Variants in CELSR3 observed in about 807,000 individuals in gnomAD.
The protein encoded by CELSR3 is cadherin EGF LAG seven-pass G-type receptor 3.
CELSR3 carries 73 observed loss-of-function variants against 270.0 expected under a neutral mutation model. That is an observed-to-expected ratio of 0.27 (90% confidence interval 0.22 to 0.33). The LOEUF (loss-of-function observed/expected upper bound fraction) is 0.33. Among genes scored for constraint, CELSR3 ranks in the 10% least tolerant of loss-of-function variants. The pLI, the probability that CELSR3 is intolerant of heterozygous loss-of-function variation, is 1.00. For missense variants in CELSR3, 3,614 were observed against 4,533.8 expected (o/e 0.80, Z 5.83); for synonymous variants, 1,780 against 1,905.4 (o/e 0.93, Z 1.71).
chr3:48,649,257 C>T (rs1297663945), intron 16 of CELSR3, 42 bp from the exon 17 acceptor site: 3 of 1,520,776 alleles, frequency 2.0e-6, no homozygotes, highest in Admixed American at 3.7e-5. Flanking sequence ...GGCCTGGATA[C>T]CTTTGCTGAG....
chr3:48,643,850 A>G (rs2047052950), intron 27 of CELSR3, 173 bp from the exon 28 acceptor site: 1 of 721,956 alleles, frequency 1.4e-6, no homozygotes, highest in Admixed American at 2.9e-5. Context: ...TCCCACAAAG[A>G]AACAGGAGAG....
rs747542625 is a variant in CELSR3 at position 48,655,210 on chromosome 3, G to A, written c.4831-9C>T. ...AGGGCATCTGTCCGGGGCTGAAGAC[G>A]CAGGCACACCAGTCAACAGTGCCCC... On this transcript the variant is annotated splice_polypyrimidine_tract_variant and intron_variant, in intron 5 of 34. Transcript: ENST00000164024. This position sits in a 1 kb window ranked among gnomAD's most constrained non-coding sequence, Gnocchi z 5.8. 54 of 1,613,976 alleles carry A rather than the reference G, an allele frequency of 3.3e-5. No individual in the cohort carries two copies. Among genetic ancestry groups the A allele is most frequent in the East Asian group, 1.1e-4 (5 of 44,876 alleles).
Position 48,656,681 on chromosome 3 carries a change from C to A in CELSR3, c.4399+17G>T. 5 of 1,468,192 alleles carry A rather than the reference C, an allele frequency of 3.4e-6. No individual in the cohort carries two copies. In the South Asian group the frequency reaches 7.0e-5, roughly 21 times the overall value. 90.9% of individuals were successfully genotyped at this position (1,468,192 alleles called of 1,614,324 possible). A position where few individuals can be genotyped will look rare whatever the true frequency, so the allele number is the denominator to read the frequency against. ...TGGCCCGTGCTTCCCCCAGCTCTGGCCCGGCGCCCTGCTCACCGGTGAAGC... is the reference window on the plus strand; with the variant it reads ...TGGCCCGTGCTTCCCCCAGCTCTGGACCGGCGCCCTGCTCACCGGTGAAGC... On this transcript the variant is annotated intron_variant, in intron 2 of 34. Coordinates refer to ENST00000164024, the MANE Select transcript of CELSR3 (RefSeq NM_001407.3).
rs2047086312 is a variant in CELSR3 at position 48,646,530 on chromosome 3, G to C, written c.7295+233C>G. On this transcript the variant is annotated intron_variant, in intron 21 of 34. Coordinates refer to ENST00000164024, the MANE Select transcript of CELSR3 (RefSeq NM_001407.3). This position sits in a 1 kb window ranked among gnomAD's most constrained non-coding sequence, Gnocchi z 4.8. ...TCTGTCTCTGTCAGCCCTTTGGTCT[G>C]TCTGTACCTGGCTCATGGATCCCTC... 6.6e-6 allele frequency among the ~76,000 whole-genome samples: 1 copy of C among 152,240 alleles called. No individual in the cohort carries two copies. The highest frequency in any genetic ancestry group is 2.1e-4 in the South Asian group (1 of 4,836).
In CELSR3 at chr3:48,641,147, C is replaced by T. The variant is rs1461608902; in HGVS notation, c.9025+177G>A. The T allele has an allele frequency of 1.5e-5, 9 of 602,502 alleles. No homozygotes were observed. Among genetic ancestry groups the T allele is most frequent in the Non-Finnish European group, 2.7e-5 (9 of 335,952 alleles). 37.3% of individuals were successfully genotyped at this position (602,502 alleles called of 1,614,324 possible). On this transcript the variant is annotated intron_variant, in intron 33 of 34. Coordinates refer to ENST00000164024, the MANE Select transcript of CELSR3 (RefSeq NM_001407.3). This position sits in a 1 kb window ranked among gnomAD's most constrained non-coding sequence, Gnocchi z 4.8. ...CAGGGTAGAGGGGGACAGAGAATTCCCAGGTCAGGACAGGAGCAGTCCCTG... is the reference window on the plus strand; with the variant it reads ...CAGGGTAGAGGGGGACAGAGAATTCTCAGGTCAGGACAGGAGCAGTCCCTG...
In CELSR3 at chr3:48,656,219, C is replaced by T. The variant is rs563705996; in HGVS notation, c.4546G>A (p.Ala1516Thr). 2.0e-6 allele frequency: 3 copies of T among 1,536,470 alleles called. No homozygotes were observed. Among genetic ancestry groups the T allele is most frequent in the South Asian group, 1.2e-5 (1 of 84,094 alleles). The change falls in exon 3 of 35, where the codon GCT becomes ACT. Residue 1516 changes from alanine (A) to threonine (T), a missense_variant. Ala to Thr is a moderately conservative substitution (Grantham distance 58, BLOSUM62 0). This residue lies in a region of CELSR3 where 1,331 missense variants were observed against 1,933.7 expected (regional missense o/e 0.69). Coordinates refer to ENST00000164024, the MANE Select transcript of CELSR3 (RefSeq NM_001407.3). The part of the protein sequence containing the change: ...GAFEGPRCEV[A>T]ARSFPPSSFV... ...GAACTGGGCGGGAAGGAGCGCGCAG[C>T]CACCTCGCAGCGCGGGCCCTCGAAG...
chr3:48,650,432 C>CCGGGGGGGGG lies in CELSR3; in HGVS notation c.6472+47_6472+48insCCCCCCCCCG. 17 of 1,208,914 alleles carry CCGGGGGGGGG rather than the reference C, an allele frequency of 1.4e-5. No homozygotes were observed. Among genetic ancestry groups the CCGGGGGGGGG allele is most frequent in the East Asian group, 5.6e-5 (2 of 35,582 alleles). 74.9% of individuals were successfully genotyped at this position (1,208,914 alleles called of 1,614,324 possible). A position where few individuals can be genotyped will look rare whatever the true frequency, so the allele number is the denominator to read the frequency against. On this transcript the variant is annotated intron_variant, in intron 16 of 34. Coordinates refer to ENST00000164024, the MANE Select transcript of CELSR3 (RefSeq NM_001407.3). The surrounding 1 kb of genome is among the most constrained non-coding windows in gnomAD (Gnocchi z 5.1). ...AGACATGGCTCTAGCAGTCAGAGTA[C>CCGGGGGGGGG]AGGCCCACCCCCACCCTCAGTGATG...
chr3:48,638,226 G>A lies in CELSR3; in HGVS notation c.9918C>T (p.Pro3306=). Residue 3306 remains proline, a synonymous_variant, in exon 35 of 35, where the codon CCC becomes CCT. Transcript: ENST00000164024. Reference sequence around the variant, plus strand: ...CCCCTCAGGAGTGACCCTCACTTCTGGGAACTCTGGAGGCACATGAGGAAA... The same window carrying A: ...CCCCTCAGGAGTGACCCTCACTTCTAGGAACTCTGGAGGCACATGAGGAAA... The part of the protein sequence containing the change: ...ISELSPDSEV[P]RSEGHS 2 of 1,612,856 alleles carry A rather than the reference G, an allele frequency of 1.2e-6. No individual in the cohort carries two copies. The highest frequency in any genetic ancestry group is 1.7e-6 in the Non-Finnish European group (2 of 1,179,190).
chr3:48,659,176 G>A lies in CELSR3; in HGVS notation c.3459C>T (p.Ala1153=). Residue 1153 remains alanine, a synonymous_variant, in exon 1 of 35, where the codon GCC becomes GCT. Transcript: ENST00000164024. This position sits in a 1 kb window ranked among gnomAD's most constrained non-coding sequence, Gnocchi z 8.1. ...QATSAPLVSR[A]TVHVRLVDQN... ...GGTCAACCAGGCGGACGTGCACAGT[G>A]GCCCGGCTGACCAAAGGAGCAGATG... The A allele has an allele frequency of 6.2e-7, 1 of 1,614,222 alleles. No homozygotes were observed. Among genetic ancestry groups the A allele is most frequent in the Non-Finnish European group, 8.5e-7 (1 of 1,180,046 alleles).
rs758727333 is a variant in CELSR3, at chr3:48,652,086, A to G, written c.5752-38T>C. The G allele has an allele frequency of 2.7e-6, 4 of 1,489,956 alleles. No homozygotes were observed. The African/African-American group carries it at 4.2e-5, about 16-fold the overall frequency. The allele number at this position is 1,489,956 out of a possible 1,614,324, so 92.3% of individuals were successfully genotyped here. A position where few individuals can be genotyped will look rare whatever the true frequency, so the allele number is the denominator to read the frequency against. On this transcript the variant is annotated intron_variant, in intron 11 of 34. Coordinates refer to ENST00000164024, the MANE Select transcript of CELSR3 (RefSeq NM_001407.3). This position sits in a 1 kb window ranked among gnomAD's most constrained non-coding sequence, Gnocchi z 4.3. ...AGCCAGCAAGGGGTGAGACCATGTTAAGGCACCTCAGCCTCAAGTACTGCA... is the reference window on the plus strand; with the variant it reads ...AGCCAGCAAGGGGTGAGACCATGTTGAGGCACCTCAGCCTCAAGTACTGCA...
rs754859741 is a variant in CELSR3 at position 48,645,395 on chromosome 3, G to A, written c.7797+48C>T. 1.2e-6 allele frequency: 2 copies of A among 1,607,374 alleles called. No individual in the cohort carries two copies. Among genetic ancestry groups the A allele is most frequent in the Admixed American group, 3.3e-5 (2 of 59,966 alleles). On this transcript the variant is annotated intron_variant, in intron 24 of 34. Coordinates refer to ENST00000164024, the MANE Select transcript of CELSR3 (RefSeq NM_001407.3). This position sits in a 1 kb window ranked among gnomAD's most constrained non-coding sequence, Gnocchi z 5.4. ...CTGAGTTTTGGCCCCAGGCCTCCTG[G>A]GCCAGTAGGGTCATCAGGACACAAG...
rs774981798 is a variant in CELSR3 at position 48,641,344 on chromosome 3, C to T, written c.9005G>A (p.Arg3002Gln). The stretch of plus-strand genomic sequence containing the variant: ...TGTACCTTTCCTCTGGCGCTGGGCC[C>T]GGCCCAGAGAAGTCTCATCCCCACT... Reference protein sequence around the residue: ...LTSGDETSLGRAQRQRKGILK... With the variant: ...LTSGDETSLGQAQRQRKGILK... Residue 3002 changes from arginine (R) to glutamine (Q), a missense_variant, in exon 33 of 35, where the codon CGG (arginine) becomes CAG (glutamine). This residue lies in a region of CELSR3 where 1,240 missense variants were observed against 1,351.7 expected (regional missense o/e 0.92). Coordinates refer to ENST00000164024, the MANE Select transcript of CELSR3 (RefSeq NM_001407.3). This position sits in a 1 kb window ranked among gnomAD's most constrained non-coding sequence, Gnocchi z 4.8. 40 of 1,608,672 alleles carry T rather than the reference C, an allele frequency of 2.5e-5. No individual in the cohort carries two copies. Among genetic ancestry groups the T allele is most frequent in the South Asian group, 2.2e-5 (2 of 90,974 alleles).
In CELSR3 at chr3:48,650,384, A is replaced by C; in HGVS notation, c.6472+96T>G. The C allele has an allele frequency of 3.0e-6, 3 of 1,012,592 alleles. No individual in the cohort carries two copies. The highest frequency in any genetic ancestry group is 2.6e-5 in the East Asian group (1 of 38,088). The allele number at this position is 1,012,592 out of a possible 1,614,324, so 62.7% of individuals were successfully genotyped here. On this transcript the variant is annotated intron_variant, in intron 16 of 34. Coordinates refer to ENST00000164024, the MANE Select transcript of CELSR3 (RefSeq NM_001407.3). The surrounding 1 kb of genome is among the most constrained non-coding windows in gnomAD (Gnocchi z 5.1). ...ACCCCACTTCCACCTCTTTGCAGGA[A>C]CAAAGCCACCCAATTTAGGAAAAGA...
chr3:48,641,629 G>C lies in CELSR3; in HGVS notation c.8825-105C>G, dbSNP rs919581094. 2 of 917,398 alleles carry C rather than the reference G, an allele frequency of 2.2e-6. No homozygotes were observed. The highest frequency in any genetic ancestry group is 3.3e-5 in the African/African-American group (2 of 60,374). The allele number at this position is 917,398 out of a possible 1,614,324, so 56.8% of individuals were successfully genotyped here. A position where few individuals can be genotyped will look rare whatever the true frequency, so the allele number is the denominator to read the frequency against. On this transcript the variant is annotated intron_variant, in intron 32 of 34. Coordinates refer to ENST00000164024, the MANE Select transcript of CELSR3 (RefSeq NM_001407.3). The surrounding 1 kb of genome is among the most constrained non-coding windows in gnomAD (Gnocchi z 4.8). Reference sequence around the variant, plus strand: ...ACCCTGGCTGTTCTCATTGAGCAGAGGTGGGAACAGGAGGGTATCTCCTCA... The same window carrying C: ...ACCCTGGCTGTTCTCATTGAGCAGACGTGGGAACAGGAGGGTATCTCCTCA...
At position 48,637,879 on chromosome 3, in the gene CELSR3, ATC is replaced by A; in HGVS notation, c.*324_*325del. The A allele has an allele frequency of 5.6e-6, 2 of 357,086 alleles. No homozygotes were observed. The highest frequency in any genetic ancestry group is 9.5e-5 in the South Asian group (2 of 21,090). The allele number at this position is 357,086 out of a possible 1,614,324, so 22.1% of individuals were successfully genotyped here. A position where few individuals can be genotyped will look rare whatever the true frequency, so the allele number is the denominator to read the frequency against. On this transcript the variant is annotated 3_prime_UTR_variant, in exon 35 of 35. Coordinates refer to ENST00000164024, the MANE Select transcript of CELSR3 (RefSeq NM_001407.3). ...CAGGACCCAAATGGGGTCAAACTGCATCTCTCCCTCTATCTCCCTCCCCCTCC... is the reference window on the plus strand; with the variant it reads ...CAGGACCCAAATGGGGTCAAACTGCATCTCCCTCTATCTCCCTCCCCCTCC...
Position 48,639,906 on chromosome 3 carries a change from T to C in CELSR3, c.9679A>G (p.Arg3227Gly). The C allele has an allele frequency of 6.2e-7, 1 of 1,613,172 alleles. No homozygotes were observed. Among genetic ancestry groups the C allele is most frequent in the Non-Finnish European group, 8.5e-7 (1 of 1,179,996 alleles). ...CTGGGGCCACTGACCGAGTCCTCCC[T>C]AGCTCTGAGCAGCTGCGGGAGTGGC... ...LGPLPQLLRA[R>G]EDSVSGPSHG... is the part of the protein sequence containing the mutation. Residue 3227 changes from arginine to glycine, a missense_variant, in exon 34 of 35, where the codon AGG (arginine) becomes GGG (glycine). Coordinates refer to ENST00000164024, the MANE Select transcript of CELSR3 (RefSeq NM_001407.3). The surrounding 1 kb of genome is among the most constrained non-coding windows in gnomAD (Gnocchi z 4.1).
At position 48,655,157 on chromosome 3, in the gene CELSR3, G is replaced by A. The variant is rs760151981; in HGVS notation, c.4875C>T (p.Asp1625=). 8.1e-6 allele frequency: 13 copies of A among 1,614,020 alleles called. No homozygotes were observed. Among genetic ancestry groups the A allele is most frequent in the Middle Eastern group, 1.6e-4 (1 of 6,062 alleles). Reference sequence around the variant, plus strand: ...CATCCACGCTTAGCACAGCCACCTTGTCCTTGGAGGGGCCCTGTGCACCCC... The same window carrying A: ...CATCCACGCTTAGCACAGCCACCTTATCCTTGGAGGGGCCCTGTGCACCCC... ...ALGGAQGPSK[D]KVAVLSVDDC... Residue 1625 remains aspartate, a synonymous_variant, in exon 6 of 35, where the codon GAC becomes GAT. Transcript: ENST00000164024. This position sits in a 1 kb window ranked among gnomAD's most constrained non-coding sequence, Gnocchi z 5.8.
chr3:48,648,690 G>A (rs1180484028), intron 18 of CELSR3, 29 bp downstream of exon 18: 1 of 1,598,142 alleles, frequency 6.3e-7, no homozygotes, highest in Non-Finnish European at 8.5e-7. Context: ...GGGGGGCCAA[G>A]GCACTGAGAA....
At chr3:48,648,238 G>GGCCCCCC in intron 19 of CELSR3, 28 bp downstream of exon 19, 18 of 1,342,620 alleles carry the variant, frequency 1.3e-5, no homozygotes, top group Non-Finnish European at 1.6e-5. Context: ...CCCCTGCTGT[G>GGCCCCCC]CCCCGCCCTA....
Sources: allele counts gnomAD v4.1 joint callset (sites outside exome capture counted in the v4.1 genomes callset), GRCh38; gene constraint gnomAD v4.1.1; regional missense constraint gnomAD v4.1.1; non-coding constraint Gnocchi (gnomAD v3.1); transcripts MANE v1.5; gene names NCBI Gene and HGNC (gene_info 2026-07-23, HGNC 2026-07-21).